KRTAP4-4: variants seen among roughly 807,000 people sequenced by gnomAD.
KRTAP4-4 encodes keratin associated protein 4-4.
For missense variants in KRTAP4-4, 186 were observed against 206.9 expected (o/e 0.90, Z 0.62); for synonymous variants, 88 against 76.4 (o/e 1.15, Z -0.79).
chr17:41,160,004 A>G lies in KRTAP4-4; in HGVS notation c.*187T>C. ...GCACTAGAGCAGGTTGGGCGGCAGC[A>G]CATGGTCTGGCAGCAGTTGGGGCGG... On this transcript the variant is annotated 3_prime_UTR_variant, in exon 1 of 1. Transcript: ENST00000390661. 1.0e-6 allele frequency: 1 copy of G among 982,968 alleles called. No individual in the cohort carries two copies. Among genetic ancestry groups the G allele is most frequent in the Non-Finnish European group, 1.5e-6 (1 of 654,760 alleles). The allele number at this position is 982,968 out of a possible 1,614,324, so 60.9% of individuals were successfully genotyped here.
chr17:41,159,979 G>A lies in KRTAP4-4; in HGVS notation c.*212C>T, dbSNP rs146170394. On this transcript the variant is annotated 3_prime_UTR_variant, in exon 1 of 1. Transcript: ENST00000390661. ...CAGATGACAGCCTCAGCAGCAAGAAGCACTAGAGCAGGTTGGGCGGCAGCA... is the reference window on the plus strand; with the variant it reads ...CAGATGACAGCCTCAGCAGCAAGAAACACTAGAGCAGGTTGGGCGGCAGCA... 3.1e-5 allele frequency: 23 copies of A among 750,026 alleles called. No homozygotes were observed. Among genetic ancestry groups the A allele is most frequent in the African/African-American group, 2.8e-4 (16 of 57,050 alleles). The allele number at this position is 750,026 out of a possible 1,614,324, so 46.5% of individuals were successfully genotyped here.
Position 41,160,347 on chromosome 17 carries a change from GCA to G in KRTAP4-4, c.343_344del (p.Cys115LeufsTer84), listed in dbSNP as rs765587567. The G allele has an allele frequency of 6.2e-7, 1 of 1,612,604 alleles. No homozygotes were observed. The highest frequency in any genetic ancestry group is 1.7e-5 in the Admixed American group (1 of 59,888). On this transcript the variant is annotated frameshift_variant, in exon 1 of 1. Coordinates refer to ENST00000390661, the MANE Select transcript of KRTAP4-4 (RefSeq NM_032524.2). LOFTEE classifies it low-confidence loss of function (END_TRUNC). ...TGGGGCAGCAGCAGGTGGGCTGGCA[GCA>G]CACAGACTGGCAGCACTGGGGCCTG... The part of the protein sequence containing the change: ...CCRPQCCQSV[C>X]CQPTCCCPSY...
In KRTAP4-4 at chr17:41,160,023, G is replaced by C; in HGVS notation, c.*168C>G. 1 of 1,142,876 alleles carries C rather than the reference G, an allele frequency of 8.7e-7. No homozygotes were observed. The highest frequency in any genetic ancestry group is 1.5e-5 in the African/African-American group (1 of 65,486). 70.8% of individuals were successfully genotyped at this position (1,142,876 alleles called of 1,614,324 possible). A position where few individuals can be genotyped will look rare whatever the true frequency, so the allele number is the denominator to read the frequency against. On this transcript the variant is annotated 3_prime_UTR_variant, in exon 1 of 1. Coordinates refer to ENST00000390661, the MANE Select transcript of KRTAP4-4 (RefSeq NM_032524.2). Reference sequence around the variant, plus strand: ...GGCAGCACATGGTCTGGCAGCAGTTGGGGCGGCAGCAACTGGAGATGCAGC... The same window carrying C: ...GGCAGCACATGGTCTGGCAGCAGTTCGGGCGGCAGCAACTGGAGATGCAGC...
rs761763034 is a variant in KRTAP4-4 at position 41,160,437 on chromosome 17, G to A, written c.255C>T (p.Cys85=). The A allele has an allele frequency of 3.1e-6, 5 of 1,613,444 alleles. No homozygotes were observed. The South Asian group carries it at 5.5e-5, about 18-fold the overall frequency. Residue 85 remains cysteine (C), a synonymous_variant, in exon 1 of 1, where the codon TGC becomes TGT. Transcript: ENST00000390661. ...TAGTCTGGCAGCATTGGGGTCTGCAGCAGGTGGGCTGGCAGCACACAGACT... is the reference window on the plus strand; with the variant it reads ...TAGTCTGGCAGCATTGGGGTCTGCAACAGGTGGGCTGGCAGCACACAGACT... ...CCQSVCCQPT[C]CRPQCCQTTC... is the part of the protein sequence containing the mutation.
rs2014943893 is a variant in KRTAP4-4, at chr17:41,160,099, G to C, written c.*92C>G. 3 of 1,563,688 alleles carry C rather than the reference G, an allele frequency of 1.9e-6. No individual in the cohort carries two copies. Among genetic ancestry groups the C allele is most frequent in the Non-Finnish European group, 2.6e-6 (3 of 1,150,236 alleles). On this transcript the variant is annotated 3_prime_UTR_variant, in exon 1 of 1. Transcript: ENST00000390661. ...ACAGCAGGAGGAGCTACTGCTGCTA[G>C]AGATACTGCAGGAAGGCTGGCAGCA...
chr17:41,160,587 G>A lies in KRTAP4-4; in HGVS notation c.105C>T (p.Cys35=). Residue 35 remains cysteine (C), a synonymous_variant, in exon 1 of 1, where the codon TGC becomes TGT. Transcript: ENST00000390661. ...YCQTTCCRTT[C]CRPSCCVSSC... The stretch of plus-strand genomic sequence containing the variant: ...TGGACACACAGCAGCTGGGGCGGCA[G>A]CAGGTGGTCCTGCAGCAGGTGGTCT... The A allele has an allele frequency of 6.2e-7, 1 of 1,613,806 alleles. No homozygotes were observed. The highest frequency in any genetic ancestry group is 8.5e-7 in the Non-Finnish European group (1 of 1,179,980).
chr17:41,160,396 G>T lies in KRTAP4-4; in HGVS notation c.296C>A (p.Thr99Asn), dbSNP rs771171429. The T allele has an allele frequency of 6.2e-7, 1 of 1,609,140 alleles. No individual in the cohort carries two copies. Among genetic ancestry groups the T allele is most frequent in the Non-Finnish European group, 8.5e-7 (1 of 1,178,666 alleles). The part of the protein sequence containing the change: ...QCCQTTCCRT[T>N]CCRPSCCRPQ... ...CCTGCAGCAGCTGGGGCGGCAGCAGGTGGTCCTACAGCAGGTAGTCTGGCA... is the reference window on the plus strand; with the variant it reads ...CCTGCAGCAGCTGGGGCGGCAGCAGTTGGTCCTACAGCAGGTAGTCTGGCA... The change falls in exon 1 of 1, where the codon ACC becomes AAC. Residue 99 changes from threonine (T) to asparagine (N), a missense_variant. Thr to Asn is a moderately conservative substitution (Grantham distance 65). Coordinates refer to ENST00000390661, the MANE Select transcript of KRTAP4-4 (RefSeq NM_032524.2).
Position 41,159,916 on chromosome 17 carries a change from T to C in KRTAP4-4, c.*275A>G, listed in dbSNP as rs1462003594. ...CCCATAACTCAGCTCATAGATGAGC[T>C]ACATCAAGAATGCTGGTTGATGAGA... On this transcript the variant is annotated 3_prime_UTR_variant, in exon 1 of 1. Coordinates refer to ENST00000390661, the MANE Select transcript of KRTAP4-4 (RefSeq NM_032524.2). The C allele has an allele frequency of 6.7e-6, 4 of 593,766 alleles. No individual in the cohort carries two copies. Among genetic ancestry groups the C allele is most frequent in the Non-Finnish European group, 9.1e-6 (3 of 330,366 alleles). The allele number at this position is 593,766 out of a possible 1,614,324, so 36.8% of individuals were successfully genotyped here. A position where few individuals can be genotyped will look rare whatever the true frequency, so the allele number is the denominator to read the frequency against.
In KRTAP4-4 at chr17:41,160,537, T is replaced by C; in HGVS notation, c.155A>G (p.Gln52Arg). 6.2e-7 allele frequency: 1 copy of C among 1,613,700 alleles called. No individual in the cohort carries two copies. Among genetic ancestry groups the C allele is most frequent in the Non-Finnish European group, 8.5e-7 (1 of 1,179,820 alleles). Residue 52 changes from glutamine to arginine, a missense_variant, in exon 1 of 1, where the codon CAG becomes CGG. Transcript: ENST00000390661. ...GCAGGTGGTCCTGCAGCAGGTGGTC[T>C]GGCAGCACTGGGGTCTGCAGCAGCT... ...VSSCCRPQCC[Q>R]TTCCRTTCCH...
rs1314928277 is a variant in KRTAP4-4 at position 41,159,739 on chromosome 17, G to C, written c.*452C>G. Reference sequence around the variant, plus strand: ...GCTCCATATGAGAAATTATGGCAGAGAGCAAATATTTCAATTAAGATAGTT... The same window carrying C: ...GCTCCATATGAGAAATTATGGCAGACAGCAAATATTTCAATTAAGATAGTT... On this transcript the variant is annotated 3_prime_UTR_variant, in exon 1 of 1. Coordinates refer to ENST00000390661, the MANE Select transcript of KRTAP4-4 (RefSeq NM_032524.2). 1 of 210,664 alleles carries C rather than the reference G, an allele frequency of 4.7e-6. No homozygotes were observed. Among genetic ancestry groups the C allele is most frequent in the South Asian group, 9.6e-5 (1 of 10,394 alleles). The allele number at this position is 210,664 out of a possible 1,614,324, so 13.0% of individuals were successfully genotyped here.
rs775519746 is a variant in KRTAP4-4, at chr17:41,160,340, GCTGGCAGCACACAGA to G, written c.337_351del (p.Ser113_Gln117del). ...CAGTAGCTGGGGCAGCAGCAGGTGG[GCTGGCAGCACACAGA>G]CTGGCAGCACTGGGGCCTGCAGCAG... On this transcript the variant is annotated inframe_deletion, in exon 1 of 1. Coordinates refer to ENST00000390661, the MANE Select transcript of KRTAP4-4 (RefSeq NM_032524.2). 1 of 1,576,340 alleles carries G rather than the reference GCTGGCAGCACACAGA, an allele frequency of 6.3e-7. No individual in the cohort carries two copies. Among genetic ancestry groups the G allele is most frequent in the South Asian group, 1.1e-5 (1 of 90,060 alleles).
rs754979063 is a variant in KRTAP4-4, at chr17:41,160,323, G to T, written c.369C>A (p.Pro123=). ...TGCAGCAGCTGGACACACAGTAGCT[G>T]GGGCAGCAGCAGGTGGGCTGGCAGC... ...SVCCQPTCCC[P]SYCVSSCCRP... Residue 123 remains proline, a synonymous_variant, in exon 1 of 1, where the codon CCC becomes CCA. Coordinates refer to ENST00000390661, the MANE Select transcript of KRTAP4-4 (RefSeq NM_032524.2). 9.3e-6 allele frequency: 15 copies of T among 1,611,488 alleles called. No individual in the cohort carries two copies. Among genetic ancestry groups the T allele is most frequent in the Non-Finnish European group, 1.2e-5 (14 of 1,179,270 alleles).
rs2014941174 is a variant in KRTAP4-4, at chr17:41,159,929, C to G, written c.*262G>C. On this transcript the variant is annotated 3_prime_UTR_variant, in exon 1 of 1. Coordinates refer to ENST00000390661, the MANE Select transcript of KRTAP4-4 (RefSeq NM_032524.2). ...TCATAGATGAGCTACATCAAGAATG[C>G]TGGTTGATGAGAATCTGGTGAGTCC... is the stretch of plus-strand genomic sequence containing the variant. 6.5e-6 allele frequency: 4 copies of G among 614,092 alleles called. No individual in the cohort carries two copies. The allele number at this position is 614,092 out of a possible 1,614,324, so 38.0% of individuals were successfully genotyped here.
In KRTAP4-4 at chr17:41,160,530, G is replaced by A. The variant is rs772846458; in HGVS notation, c.162C>T (p.Thr54=). 1.6e-5 allele frequency: 25 copies of A among 1,612,750 alleles called. No individual in the cohort carries two copies. Among genetic ancestry groups the A allele is most frequent in the Non-Finnish European group, 2.1e-5 (25 of 1,179,624 alleles). Residue 54 remains threonine, a synonymous_variant, in exon 1 of 1, where the codon ACC becomes ACT. Transcript: ENST00000390661. The part of the protein sequence containing the change: ...SCCRPQCCQT[T]CCRTTCCHPS... ...GGTGGCAGCAGGTGGTCCTGCAGCAGGTGGTCTGGCAGCACTGGGGTCTGC... is the reference window on the plus strand; with the variant it reads ...GGTGGCAGCAGGTGGTCCTGCAGCAAGTGGTCTGGCAGCACTGGGGTCTGC...
chr17:41,160,525 C>T lies in KRTAP4-4; in HGVS notation c.167G>A (p.Cys56Tyr). 6.2e-7 allele frequency: 1 copy of T among 1,613,536 alleles called. No individual in the cohort carries two copies. Reference protein sequence around the residue: ...CRPQCCQTTCCRTTCCHPSCC... With the variant: ...CRPQCCQTTCYRTTCCHPSCC... ...GCTGGGGTGGCAGCAGGTGGTCCTG[C>T]AGCAGGTGGTCTGGCAGCACTGGGG... The change falls in exon 1 of 1, where the codon TGC (cysteine) becomes TAC (tyrosine). Residue 56 changes from cysteine to tyrosine, a missense_variant. Transcript: ENST00000390661.
At position 41,160,398 on chromosome 17, in the gene KRTAP4-4, G is replaced by T. The variant is rs746349622; in HGVS notation, c.294C>A (p.Thr98=). The T allele has an allele frequency of 1.2e-6, 2 of 1,611,424 alleles. No individual in the cohort carries two copies. The highest frequency in any genetic ancestry group is 1.7e-6 in the Non-Finnish European group (2 of 1,179,140). Residue 98 remains threonine, a synonymous_variant, in exon 1 of 1, where the codon ACC becomes ACA. Coordinates refer to ENST00000390661, the MANE Select transcript of KRTAP4-4 (RefSeq NM_032524.2). ...TGCAGCAGCTGGGGCGGCAGCAGGT[G>T]GTCCTACAGCAGGTAGTCTGGCAGC... ...PQCCQTTCCR[T]TCCRPSCCRP...
In KRTAP4-4 at chr17:41,160,014, G is replaced by C; in HGVS notation, c.*177C>G. ...AGGTTGGGCGGCAGCACATGGTCTG[G>C]CAGCAGTTGGGGCGGCAGCAACTGG... On this transcript the variant is annotated 3_prime_UTR_variant, in exon 1 of 1. Transcript: ENST00000390661. 1 of 1,067,174 alleles carries C rather than the reference G, an allele frequency of 9.4e-7. No homozygotes were observed. Among genetic ancestry groups the C allele is most frequent in the Non-Finnish European group, 1.4e-6 (1 of 728,154 alleles). 66.1% of individuals were successfully genotyped at this position (1,067,174 alleles called of 1,614,324 possible). A position where few individuals can be genotyped will look rare whatever the true frequency, so the allele number is the denominator to read the frequency against.
In KRTAP4-4 at chr17:41,159,970, C is replaced by T; in HGVS notation, c.*221G>A. 5 of 711,970 alleles carry T rather than the reference C, an allele frequency of 7.0e-6. No homozygotes were observed. The East Asian group carries it at 1.1e-4, about 15-fold the overall frequency. The allele number at this position is 711,970 out of a possible 1,614,324, so 44.1% of individuals were successfully genotyped here. A position where few individuals can be genotyped will look rare whatever the true frequency, so the allele number is the denominator to read the frequency against. On this transcript the variant is annotated 3_prime_UTR_variant, in exon 1 of 1. Coordinates refer to ENST00000390661, the MANE Select transcript of KRTAP4-4 (RefSeq NM_032524.2). Reference sequence around the variant, plus strand: ...TGGTGAGTCCAGATGACAGCCTCAGCAGCAAGAAGCACTAGAGCAGGTTGG... The same window carrying T: ...TGGTGAGTCCAGATGACAGCCTCAGTAGCAAGAAGCACTAGAGCAGGTTGG...
Position 41,160,027 on chromosome 17 carries a change from C to A in KRTAP4-4, c.*164G>T, listed in dbSNP as rs1396492013. On this transcript the variant is annotated 3_prime_UTR_variant, in exon 1 of 1. Transcript: ENST00000390661. ...GCACATGGTCTGGCAGCAGTTGGGG[C>A]GGCAGCAACTGGAGATGCAGCAGGA... is the stretch of plus-strand genomic sequence containing the variant. 1 of 1,171,200 alleles carries A rather than the reference C, an allele frequency of 8.5e-7. No homozygotes were observed. The highest frequency in any genetic ancestry group is 1.2e-6 in the Non-Finnish European group (1 of 821,510). 72.6% of individuals were successfully genotyped at this position (1,171,200 alleles called of 1,614,324 possible). A position where few individuals can be genotyped will look rare whatever the true frequency, so the allele number is the denominator to read the frequency against.
Sources: gnomAD v4.1 joint callset for allele counts on GRCh38, gnomAD v4.1.1 for gene constraint, MANE v1.5 for transcripts, NCBI Gene and HGNC (gene_info 2026-07-23, HGNC 2026-07-21) for gene names.